The following SPTBN5 variants were observed in gnomAD, a reference collection of about 807,000 sequenced individuals.
The protein encoded by SPTBN5 is spectrin beta chain, non-erythrocytic 5.
Under a neutral mutation model 477.6 loss-of-function variants are expected in SPTBN5, and 513 were observed. The ratio of observed to expected loss-of-function variants is 1.07; its 90% CI spans 1.00 to 1.16. SPTBN5 has a LOEUF of 1.16. Among genes scored for constraint, SPTBN5 ranks in the 50% most tolerant of loss-of-function variants. The pLI is 0.00. For missense variants in SPTBN5, 5,062 were observed against 4,731.8 expected, an observed-to-expected ratio of 1.07 and a Z score of -2.05; for synonymous variants, 2,169 against 2,011.7, an observed-to-expected ratio of 1.08 and a Z score of -2.09.
intron 47 of SPTBN5, among the ~76,000 whole-genome samples, chr15:41,859,623 G>A (rs1299442288): frequency 6.6e-6 from 1 of 152,192 alleles, no homozygotes; most frequent in Non-Finnish European, 1.5e-5. Flanking sequence ...ACAGGGGGAC[G>A]ATCTGCCTCC....
chr15:41,849,967 G>A lies in SPTBN5; in HGVS notation c.10922-8C>T, dbSNP rs780370043. 106 of 1,580,496 alleles carry A rather than the reference G, an allele frequency of 6.7e-5. No individual in the cohort carries two copies. Among genetic ancestry groups the A allele is most frequent in the Non-Finnish European group, 8.8e-5 (102 of 1,162,584 alleles). On this transcript the variant is annotated splice_region_variant and splice_polypyrimidine_tract_variant and intron_variant, in intron 66 of 67. Coordinates refer to ENST00000320955, the MANE Select transcript of SPTBN5 (RefSeq NM_016642.4). ...TTGGGCTCAGACTCTGGGCTGCAGAGCAAGGGAATAACCACTGTTAGCCCG... is the reference window on the plus strand; with the variant it reads ...TTGGGCTCAGACTCTGGGCTGCAGAACAAGGGAATAACCACTGTTAGCCCG...
Position 41,854,989 on chromosome 15 carries a change from GAGGCCCAGCAGGGTCACTT to G in SPTBN5, c.9424-32_9424-14del. ...TCTCTTCCAGCACCTGCAAAGGTAT[GAGGCCCAGCAGGGTCACTT>G]GAGATGGTATCATGAGCTCTCAAAG... On this transcript the variant is annotated splice_polypyrimidine_tract_variant and intron_variant, in intron 55 of 67. Coordinates refer to ENST00000320955, the MANE Select transcript of SPTBN5 (RefSeq NM_016642.4). 1 of 1,530,924 alleles carries G rather than the reference GAGGCCCAGCAGGGTCACTT, an allele frequency of 6.5e-7. No individual in the cohort carries two copies. Among genetic ancestry groups the G allele is most frequent in the South Asian group, 1.3e-5 (1 of 78,168 alleles). The allele number at this position is 1,530,924 out of a possible 1,614,324, so 94.8% of individuals were successfully genotyped here.
At position 41,880,332 on chromosome 15, in the gene SPTBN5, G is replaced by A. The variant is rs995980227; in HGVS notation, c.2659-20C>T. On this transcript the variant is annotated intron_variant, in intron 13 of 67. Transcript: ENST00000320955. ...GCGGAGCTGGGGAGAGGTGGCCCAA[G>A]GCTGGGGTGAGGGTCAGGGCCCCCG... 6.3e-7 allele frequency: 1 copy of A among 1,584,344 alleles called. No homozygotes were observed. Among genetic ancestry groups the A allele is most frequent in the South Asian group, 1.2e-5 (1 of 85,938 alleles).
chr15:41,849,014 G>A (rs536699651), intron 67 of SPTBN5, among the ~76,000 whole-genome samples: 2 of 152,330 alleles, frequency 1.3e-5, no homozygotes, highest in South Asian at 2.1e-4. Flanking sequence ...TGGTTACACT[G>A]GAGACCACAG....
Position 41,864,027 on chromosome 15 carries a change from G to A in SPTBN5, c.6919-3C>T, listed in dbSNP as rs2066213268. On this transcript the variant is annotated splice_polypyrimidine_tract_variant and splice_region_variant and intron_variant, in intron 39 of 67. Coordinates refer to ENST00000320955, the MANE Select transcript of SPTBN5 (RefSeq NM_016642.4). Reference sequence around the variant, plus strand: ...ATGCAGGCATCACCCACTGTGTCCTGCAGGGGAGGTATGGGTGAGGGCATT... The same window carrying A: ...ATGCAGGCATCACCCACTGTGTCCTACAGGGGAGGTATGGGTGAGGGCATT... 1 of 1,610,532 alleles carries A rather than the reference G, an allele frequency of 6.2e-7. No individual in the cohort carries two copies.
Position 41,862,674 on chromosome 15 carries a change from CG to C in SPTBN5, c.7264-15del. On this transcript the variant is annotated splice_polypyrimidine_tract_variant and intron_variant, in intron 42 of 67. Coordinates refer to ENST00000320955, the MANE Select transcript of SPTBN5 (RefSeq NM_016642.4). Reference sequence around the variant, plus strand: ...ACGCTCTAGGGACTGCGGGGGAAGCCGGGGTCAGAGGCTGGGGCAGGGGAGC... The same window carrying C: ...ACGCTCTAGGGACTGCGGGGGAAGCCGGGTCAGAGGCTGGGGCAGGGGAGC... The C allele has an allele frequency of 6.5e-7, 1 of 1,546,856 alleles. No homozygotes were observed. Among genetic ancestry groups the C allele is most frequent in the South Asian group, 1.2e-5 (1 of 84,492 alleles).
chr15:41,858,871 C>T lies in SPTBN5; in HGVS notation c.8079+19G>A. The T allele has an allele frequency of 2.6e-6, 4 of 1,564,728 alleles. No homozygotes were observed. In the East Asian group the frequency reaches 6.8e-5, roughly 27 times the overall value. On this transcript the variant is annotated intron_variant, in intron 48 of 67. Transcript: ENST00000320955. ...CTCCTTCCCCACCATGACCGCCTCCCTCTCCAAGCGAGGCGAACCTCCTGG... is the reference window on the plus strand; with the variant it reads ...CTCCTTCCCCACCATGACCGCCTCCTTCTCCAAGCGAGGCGAACCTCCTGG...
intron 4 of SPTBN5, 106 bp downstream of exon 4, chr15:41,889,983 T>C: frequency 1.4e-6 from 1 of 723,124 alleles, no homozygotes; most frequent in Admixed American, 2.2e-5. Flanking sequence ...GGATCTCCTA[T>C]GGGGATCATA....
At chr15:41,861,239 A>G (rs1438745714) in intron 46 of SPTBN5, among the ~76,000 whole-genome samples, 180 bp downstream of exon 46, 2 of 152,232 alleles carry the variant, frequency 1.3e-5, no homozygotes, top group Admixed American at 6.5e-5. Flanking sequence ...CCACAGCTGC[A>G]TGGGAACTGC....
chr15:41,874,242 G>A lies in SPTBN5; in HGVS notation c.4689+50C>T, dbSNP rs562039055. On this transcript the variant is annotated intron_variant, in intron 24 of 67. Coordinates refer to ENST00000320955, the MANE Select transcript of SPTBN5 (RefSeq NM_016642.4). The stretch of plus-strand genomic sequence containing the variant: ...CTGAGTAGGGGCAGAGGGTTTCTAA[G>A]GTCTGGGAAGCGGATGTCGGTAATC... The A allele has an allele frequency of 1.5e-4, 241 of 1,571,522 alleles. 1 individual carries two copies. The Middle Eastern group carries it at 2.2e-3, about 14-fold the overall frequency.
At position 41,882,408 on chromosome 15, in the gene SPTBN5, C is replaced by T. The variant is rs754401082; in HGVS notation, c.2108G>A (p.Arg703His). 1.2e-5 allele frequency: 19 copies of T among 1,539,130 alleles called. No individual in the cohort carries two copies. In the East Asian group the frequency reaches 4.1e-4, roughly 34 times the overall value. ...AVCVDLVRRG[R>H]DLSARRPPTQ... is the part of the protein sequence containing the mutation. ...TGGGGGCCTGCGGGCGCTGAGGTCG[C>T]GTCCCCTCCGCACGAGATCTACGCA... The change falls in exon 11 of 68, where the codon CGC becomes CAC. Residue 703 changes from arginine to histidine, a missense_variant. Arg to His is a conservative substitution (Grantham distance 29, BLOSUM62 0). Coordinates refer to ENST00000320955, the MANE Select transcript of SPTBN5 (RefSeq NM_016642.4).
Position 41,882,381 on chromosome 15 carries a change from G to C in SPTBN5, c.2135C>G (p.Thr712Arg). 6.5e-7 allele frequency: 1 copy of C among 1,537,704 alleles called. No individual in the cohort carries two copies. The highest frequency in any genetic ancestry group is 1.7e-4 in the Middle Eastern group (1 of 5,978). Residue 712 changes from threonine to arginine, a missense_variant, in exon 11 of 68, where the codon ACG becomes AGG. Transcript: ENST00000320955. Reference protein sequence around the residue: ...GRDLSARRPPTQPDPGERAEA... With the variant: ...GRDLSARRPPRQPDPGERAEA... ...TGCCCGTTCCCCGGGATCCGGCTGCGTTGGGGGCCTGCGGGCGCTGAGGTC... is the reference window on the plus strand; with the variant it reads ...TGCCCGTTCCCCGGGATCCGGCTGCCTTGGGGGCCTGCGGGCGCTGAGGTC...
At chr15:41,852,119 G>T (rs993320134) in intron 62 of SPTBN5, 63 bp downstream of exon 62, 3 of 1,514,134 alleles carry the variant, frequency 2.0e-6, no homozygotes, top group African/African-American at 2.8e-5. Context: ...CACAGCCCCA[G>T]CCCCACTGCA....
chr15:41,866,638 T>C (rs2066326792), intron 36 of SPTBN5, 145 bp from the exon 37 acceptor site: 5 of 1,028,172 alleles, frequency 4.9e-6, no homozygotes, highest in Non-Finnish European at 6.7e-6. Flanking sequence ...AGGTTCCAGC[T>C]CCGGAAGGTT....
chr15:41,870,401 T>C (rs1966854908), intron 30 of SPTBN5, 45 bp downstream of exon 30: 1 of 1,608,768 alleles, frequency 6.2e-7, no homozygotes, highest in Admixed American at 1.7e-5. Flanking sequence ...GCGTGGGCAC[T>C]GAGCCTGGAG....
chr15:41,883,185 A>C lies in SPTBN5; in HGVS notation c.1703T>G (p.Val568Gly). 6.2e-7 allele frequency: 1 copy of C among 1,612,516 alleles called. No homozygotes were observed. The highest frequency in any genetic ancestry group is 1.3e-5 in the African/African-American group (1 of 75,032). The change falls in exon 9 of 68, where the codon GTG (valine) becomes GGG (glycine). Residue 568 changes from valine to glycine, a missense_variant. Transcript: ENST00000320955. ...GTCATGCCTCTGCAGCAGCTCCACC[A>C]CTTCTGCCAGCTGCTGCCCACAGGC... ...STACGQQLAE[V>G]VELLQRHDLL...
intron 39 of SPTBN5, among the ~76,000 whole-genome samples, chr15:41,864,691 T>C (rs1296673681): frequency 6.6e-6 from 1 of 152,216 alleles, no homozygotes; most frequent in South Asian, 2.1e-4. Context: ...AACAGTGAGC[T>C]CTGGCTTCCT....
intron 46 of SPTBN5, among the ~76,000 whole-genome samples, chr15:41,860,985 G>A (rs181766256): frequency 7.2e-5 from 11 of 152,396 alleles, no homozygotes; most frequent in African/African-American, 2.6e-4. Flanking sequence ...TCTGAGGCAA[G>A]CAGAGCTTTT....
In SPTBN5 at chr15:41,869,824, A is replaced by C; in HGVS notation, c.5853+17T>G. 6.5e-7 allele frequency: 1 copy of C among 1,537,594 alleles called. No homozygotes were observed. The highest frequency in any genetic ancestry group is 8.7e-7 in the Non-Finnish European group (1 of 1,153,998). ...ACACATGCACACACACACCACCCAA[A>C]GGGCAGGAGCCCTCACCGCCGTGCG... is the stretch of plus-strand genomic sequence containing the variant. On this transcript the variant is annotated intron_variant, in intron 32 of 67. Transcript: ENST00000320955.
Sources: allele counts gnomAD v4.1 joint callset (sites outside exome capture counted in the v4.1 genomes callset), GRCh38; gene constraint gnomAD v4.1.1; transcripts MANE v1.5; gene names NCBI Gene and HGNC (gene_info 2026-07-23, HGNC 2026-07-21).